The following PLEKHA5 variants were observed in gnomAD, a reference collection of about 807,000 sequenced individuals.
The protein encoded by PLEKHA5 is pleckstrin homology domain-containing family A member 5.
A neutral mutation model predicts 181.9 loss-of-function variants in PLEKHA5; 55 were observed. The observed-to-expected ratio is 0.30, with a 90% CI of 0.24 to 0.38. The LOEUF (loss-of-function observed/expected upper bound fraction) is 0.38. Among genes scored for constraint, PLEKHA5 ranks in the 10% least tolerant of loss-of-function variants. The pLI, the probability that PLEKHA5 is intolerant of heterozygous loss-of-function variation, is 1.00. For missense variants in PLEKHA5, 1,432 were observed against 1,549.5 expected (o/e 0.92, Z 1.27); for synonymous variants, 535 against 529.4 (o/e 1.01, Z -0.15).
intron 22 of PLEKHA5, among the ~76,000 whole-genome samples, chr12:19,344,947 G>GAA (rs769810813): frequency 2.5e-5 from 3 of 118,246 alleles, no homozygotes; most frequent in East Asian, 2.5e-4. Flanking sequence ...CGGCTCTACT[G>GAA]AAAAAAAAAA....
At chr12:19,339,859 G>A (rs2093722148) in intron 21 of PLEKHA5, among the ~76,000 whole-genome samples, 1 of 152,094 alleles carries the variant, frequency 6.6e-6, no homozygotes, top group African/African-American at 2.4e-5. Context: ...ATATTTTGCA[G>A]CATGTAGAAT....
chr12:19,312,523 TTA>T (rs2086927620), intron 15 of PLEKHA5, among the ~76,000 whole-genome samples: 1 of 152,240 alleles, frequency 6.6e-6, no homozygotes, highest in Non-Finnish European at 1.5e-5. Flanking sequence ...CACTTACATG[TTA>T]TGGAGATGGC....
At chr12:19,220,678 C>T (rs941500068) in intron 3 of PLEKHA5, among the ~76,000 whole-genome samples, 19 of 152,022 alleles carry the variant, frequency 1.2e-4, no homozygotes, top group African/African-American at 4.6e-4. Flanking sequence ...AAAGTTGAGT[C>T]GTTTATTATT....
At chr12:19,349,233 A>G (rs1246837846) in intron 25 of PLEKHA5, among the ~76,000 whole-genome samples, 1 of 151,900 alleles carries the variant, frequency 6.6e-6, no homozygotes, top group Non-Finnish European at 1.5e-5. Flanking sequence ...CTCTCACTTC[A>G]GCCTTCCAAG....
At chr12:19,218,692 A>T (rs2058417218) in intron 3 of PLEKHA5, among the ~76,000 whole-genome samples, 1 of 152,070 alleles carries the variant, frequency 6.6e-6, no homozygotes, top group Non-Finnish European at 1.5e-5. Context: ...AAAGGAATGG[A>T]GGAGTATTTC....
chr12:19,167,172 T>C (rs1457137508), intron 3 of PLEKHA5, among the ~76,000 whole-genome samples: 2 of 152,108 alleles, frequency 1.3e-5, no homozygotes, highest in Non-Finnish European at 2.9e-5. Flanking sequence ...AGAGTAACCT[T>C]GGAGCAGTAA....
chr12:19,250,542 C>T (rs1295023648), intron 3 of PLEKHA5, among the ~76,000 whole-genome samples: 1 of 152,026 alleles, frequency 6.6e-6, no homozygotes, highest in Non-Finnish European at 1.5e-5. Context: ...GAGATTGTGC[C>T]ATTGCACTCC....
chr12:19,366,907 T>G (rs2153276163), intron 30 of PLEKHA5, among the ~76,000 whole-genome samples: 1 of 152,312 alleles, frequency 6.6e-6, no homozygotes, highest in East Asian at 1.9e-4. Flanking sequence ...TTTTGGACTC[T>G]TCACAAATCT....
In PLEKHA5 at chr12:19,264,727, C is replaced by T. The variant is rs550795621; in HGVS notation, c.611-1023C>T. The stretch of plus-strand genomic sequence containing the variant: ...TCCCTTCTGGATGTTTCACCAGATA[C>T]TCTGGAAATGAGGGCGAAATAAATA... On this transcript the variant is annotated intron_variant, in intron 7 of 31. Coordinates refer to ENST00000429027, the MANE Select transcript of PLEKHA5 (RefSeq NM_001256470.2). Among the ~76,000 whole-genome samples the T allele has an allele frequency of 6.6e-5, 10 of 152,228 alleles. No individual in the cohort carries two copies. In the South Asian group the frequency reaches 1.0e-3, roughly 16 times the overall value.
chr12:19,347,532 A>C (rs2094396331), intron 24 of PLEKHA5, among the ~76,000 whole-genome samples: 1 of 152,152 alleles, frequency 6.6e-6, no homozygotes, highest in Non-Finnish European at 1.5e-5. Context: ...AGGGAGAAAG[A>C]AAAAGACCGT....
intron 31 of PLEKHA5, 61 bp from the exon 32 acceptor site, chr12:19,375,470 G>A (rs901316278): frequency 1.3e-5 from 2 of 152,276 alleles, no homozygotes; most frequent in Non-Finnish European, 2.9e-5. Flanking sequence ...AGTTACTTTG[G>A]GAAATGGTAA....
chr12:19,147,116 A>G (rs2039115897), intron 3 of PLEKHA5: 2 of 152,200 alleles, frequency 1.3e-5, no homozygotes, highest in South Asian at 4.1e-4. Context: ...CTTAAAATGC[A>G]TGGCCTGCTC....
chr12:19,359,449 T>C lies in PLEKHA5; in HGVS notation c.3386T>C (p.Ile1129Thr), dbSNP rs904859197. 6.2e-7 allele frequency: 1 copy of C among 1,613,398 alleles called. No homozygotes were observed. Among genetic ancestry groups the C allele is most frequent in the African/African-American group, 1.3e-5 (1 of 74,874 alleles). The change falls in exon 28 of 32, where the codon ATT becomes ACT. Residue 1129 changes from isoleucine (I) to threonine (T), a missense_variant. Physicochemically the swap from Ile to Thr is moderately conservative, Grantham distance 89. This residue lies in a region of PLEKHA5 where 1,143 missense variants were observed against 1,168.4 expected (regional missense o/e 0.98). Transcript: ENST00000429027. The stretch of plus-strand genomic sequence containing the variant: ...GATGATAAGGAACTGGACACTGCCA[T>C]TAGAGAAAATGATGTAAAGCCAGAC... Reference protein sequence around the residue: ...RRDDKELDTAIRENDVKPDHE... With the variant: ...RRDDKELDTATRENDVKPDHE...
rs1227585212 is a variant in PLEKHA5 at position 19,235,178 on chromosome 12, T to C, written c.228-18762T>C. ...CAAACTGTGTTGGCTTGCTTATCTATATTTCAAATTACATGATGAAATAAT... is the reference window on the plus strand; with the variant it reads ...CAAACTGTGTTGGCTTGCTTATCTACATTTCAAATTACATGATGAAATAAT... On this transcript the variant is annotated intron_variant, in intron 3 of 31. Coordinates refer to ENST00000429027, the MANE Select transcript of PLEKHA5 (RefSeq NM_001256470.2). Among the ~76,000 whole-genome samples the C allele has an allele frequency of 4.6e-5, 7 of 152,218 alleles. 1 individual carries two copies. Among genetic ancestry groups the C allele is most frequent in the Non-Finnish European group, 1.0e-4 (7 of 68,026 alleles).
chr12:19,365,767 G>T (rs2153275334), intron 29 of PLEKHA5, among the ~76,000 whole-genome samples, 197 bp from the exon 30 acceptor site: 1 of 152,284 alleles, frequency 6.6e-6, no homozygotes, highest in Admixed American at 6.5e-5. Flanking sequence ...GGCAAACCAA[G>T]TAATTATTGA....
intron 20 of PLEKHA5, among the ~76,000 whole-genome samples, chr12:19,325,610 C>A (rs1024285261): frequency 1.3e-5 from 2 of 151,310 alleles, no homozygotes; most frequent in Non-Finnish European, 2.9e-5. Context: ...ATTGCTTGAA[C>A]CCGGGAGGCG....
chr12:19,323,670 G>T (rs1175969002), intron 20 of PLEKHA5, among the ~76,000 whole-genome samples: 1 of 151,832 alleles, frequency 6.6e-6, no homozygotes, highest in East Asian at 1.9e-4. Flanking sequence ...ACAAAAATTA[G>T]CTGGGTGTGG....
chr12:19,132,468 C>G lies in PLEKHA5; in HGVS notation c.227+18C>G. 7.5e-7 allele frequency: 1 copy of G among 1,338,216 alleles called. No homozygotes were observed. Among genetic ancestry groups the G allele is most frequent in the Middle Eastern group, 1.8e-4 (1 of 5,536 alleles). 82.9% of individuals were successfully genotyped at this position (1,338,216 alleles called of 1,614,324 possible). ...TATATAAAGTGAGTTTTTTGACTTTCATTTTTTTCCTTCGTAATTAGAATG... is the reference window on the plus strand; with the variant it reads ...TATATAAAGTGAGTTTTTTGACTTTGATTTTTTTCCTTCGTAATTAGAATG... On this transcript the variant is annotated intron_variant, in intron 3 of 31. Transcript: ENST00000429027.
chr12:19,355,326 A>G (rs1213303123), intron 26 of PLEKHA5, among the ~76,000 whole-genome samples: 1 of 150,252 alleles, frequency 6.7e-6, no homozygotes, highest in Non-Finnish European at 1.5e-5. Flanking sequence ...GGTACTACAT[A>G]TAAGATATAT....
Sources: gnomAD v4.1 joint callset for allele counts (sites outside exome capture counted in the v4.1 genomes callset) on GRCh38, gnomAD v4.1.1 for gene constraint, gnomAD v4.1.1 regional missense constraint, MANE v1.5 for transcripts, NCBI Gene and HGNC (gene_info 2026-07-23, HGNC 2026-07-21) for gene names.